Variants in GRM5 observed in about 807,000 individuals in gnomAD.
GRM5 encodes glutamate metabotropic receptor 5, also known as metabotropic glutamate receptor 5.
A neutral mutation model predicts 83.1 loss-of-function variants in GRM5; 19 were observed. That is an observed-to-expected ratio of 0.23 (90% CI 0.16 to 0.34). GRM5 has a LOEUF of 0.34. Among genes scored for constraint, GRM5 ranks in the 10% least tolerant of loss-of-function variants. GRM5 has a pLI of 1.00. For synonymous variants in GRM5, 675 were observed against 633.6 expected (o/e 1.07, Z -0.98); for missense variants, 1,160 against 1,588.3 (o/e 0.73, Z 4.58).
intron 8 of GRM5, among the ~76,000 whole-genome samples, chr11:88,555,390 C>A (rs193074829): frequency 6.6e-6 from 1 of 152,060 alleles, no homozygotes; most frequent in South Asian, 2.1e-4. Context: ...GAGTCTCACG[C>A]GACTGGACTG....
chr11:88,742,446 G>A (rs1384631615), intron 3 of GRM5, among the ~76,000 whole-genome samples: 1 of 151,974 alleles, frequency 6.6e-6, no homozygotes, highest in Non-Finnish European at 1.5e-5. Context: ...ATAACACTAG[G>A]GAGTGGAGTC....
At chr11:88,820,065 G>A (rs1484112611) in intron 3 of GRM5, among the ~76,000 whole-genome samples, 1 of 151,862 alleles carries the variant, frequency 6.6e-6, no homozygotes, top group Non-Finnish European at 1.5e-5. Context: ...ATGAACTTTG[G>A]GGGACATATT....
chr11:88,966,208 T>C (rs1440341352), intron 2 of GRM5, among the ~76,000 whole-genome samples: 1 of 151,966 alleles, frequency 6.6e-6, no homozygotes, highest in Non-Finnish European at 1.5e-5. Context: ...AAATAAGACA[T>C]CAAAATTTGT....
Position 88,570,569 on chromosome 11 carries a change from A to AT in GRM5, c.1691-2578dup, listed in dbSNP as rs1240457993. On this transcript the variant is annotated intron_variant, in intron 7 of 9. Coordinates refer to ENST00000305447, the MANE Select transcript of GRM5 (RefSeq NM_001143831.3). ...ATTAATAATATATATATATATATAT[A>AT]TATTTTTTTTTTTTTTTTTTTTTTT... Among the ~76,000 whole-genome samples the AT allele has an allele frequency of 2.0e-3, 148 of 73,828 alleles. 1 individual carries two copies. Among genetic ancestry groups the AT allele is most frequent in the South Asian group, 2.1e-3 (5 of 2,360 alleles). The allele number at this position is 73,828 out of a possible 152,430, so 48.4% of individuals were successfully genotyped here.
rs370181308 is a variant in GRM5 at position 88,947,389 on chromosome 11, G to A, written c.662-97234C>T. Reference sequence around the variant, plus strand: ...CTTGCCTGCCAATGCCTTCCACATAGGGATAAATGCAAAATCCTCACTAGG... The same window carrying A: ...CTTGCCTGCCAATGCCTTCCACATAAGGATAAATGCAAAATCCTCACTAGG... On this transcript the variant is annotated intron_variant, in intron 2 of 9. Transcript: ENST00000305447. Among the ~76,000 whole-genome samples, 9 of 152,176 alleles carry A rather than the reference G, an allele frequency of 5.9e-5. No homozygotes were observed. The East Asian group carries it at 1.5e-3, about 26-fold the overall frequency.
At chr11:88,546,801 G>A (rs188345751) in intron 8 of GRM5, among the ~76,000 whole-genome samples, 23 of 152,230 alleles carry the variant, frequency 1.5e-4, no homozygotes, top group Admixed American at 3.9e-4. Flanking sequence ...AGAACAATTT[G>A]AGTGGTGAGG....
Position 88,597,284 on chromosome 11 carries a change from T to C in GRM5, c.1463A>G (p.Asp488Gly). The C allele has an allele frequency of 6.3e-7, 1 of 1,589,492 alleles. No individual in the cohort carries two copies. The highest frequency in any genetic ancestry group is 1.1e-5 in the South Asian group (1 of 90,290). Residue 488 changes from aspartate to glycine, a missense_variant, in exon 6 of 10, where the codon GAC becomes GGC. Physicochemically the swap from Asp to Gly is moderately conservative, Grantham distance 94. Transcript: ENST00000305447. ...ATCATCCATTTTTAATTCTCCATTG[T>C]CCCAACTTCCAACGTTGATATAATC... Reference protein sequence around the residue: ...YFDYINVGSWDNGELKMDDDE... With the variant: ...YFDYINVGSWGNGELKMDDDE...
At chr11:88,711,615 C>T (rs1941281586) in intron 3 of GRM5, among the ~76,000 whole-genome samples, 1 of 152,010 alleles carries the variant, frequency 6.6e-6, no homozygotes, top group South Asian at 2.1e-4. Context: ...GTCATATCAT[C>T]TCTCAGTTTC....
intron 3 of GRM5, among the ~76,000 whole-genome samples, chr11:88,653,895 T>C (rs978265912): frequency 6.6e-6 from 1 of 152,042 alleles, no homozygotes; most frequent in African/African-American, 2.4e-5. Flanking sequence ...TGATCAAATT[T>C]TACAAATGAA....
At chr11:88,676,379 G>A (rs1940329328) in intron 3 of GRM5, among the ~76,000 whole-genome samples, 1 of 151,962 alleles carries the variant, frequency 6.6e-6, no homozygotes, top group Non-Finnish European at 1.5e-5. Flanking sequence ...GAGATACAAT[G>A]ACAAGCTGTT....
intron 3 of GRM5, among the ~76,000 whole-genome samples, chr11:88,737,847 A>G (rs1171531915): frequency 6.6e-6 from 1 of 152,112 alleles, no homozygotes; most frequent in Non-Finnish European, 1.5e-5. Context: ...GCTTTAAAAT[A>G]ACTTTTTAAA....
intron 2 of GRM5, among the ~76,000 whole-genome samples, chr11:89,009,919 A>AAAAAAC (rs1940647050): frequency 6.3e-5 from 8 of 126,438 alleles, no homozygotes; most frequent in African/African-American, 2.9e-4. Context: ...AAAAAAAAAA[A>AAAAAAC]AAAAAAAAAA....
chr11:88,516,808 G>A (rs1034826225), intron 9 of GRM5, among the ~76,000 whole-genome samples: 1 of 151,844 alleles, frequency 6.6e-6, no homozygotes, highest in South Asian at 2.1e-4. Context: ...TTGGGATGCT[G>A]AGCACTGTAT....
At chr11:88,701,730 C>A (rs762375023) in intron 3 of GRM5, among the ~76,000 whole-genome samples, 9 of 152,064 alleles carry the variant, frequency 5.9e-5, no homozygotes, top group Non-Finnish European at 1.3e-4. Context: ...CAGGGGCTTA[C>A]AGGTCATAAA....
chr11:88,649,034 A>G (rs889411177), intron 4 of GRM5, among the ~76,000 whole-genome samples: 1 of 146,812 alleles, frequency 6.8e-6, no homozygotes, highest in Non-Finnish European at 1.5e-5. Flanking sequence ...ATGGTCATTA[A>G]AACTTAATAT....
chr11:88,687,117 C>T (rs1339491013), intron 3 of GRM5, among the ~76,000 whole-genome samples: 1 of 152,046 alleles, frequency 6.6e-6, no homozygotes, highest in Non-Finnish European at 1.5e-5. Flanking sequence ...CTAAATTAGG[C>T]TCTGGTACAA....
chr11:88,529,849 G>T (rs1255663289), intron 8 of GRM5, among the ~76,000 whole-genome samples: 1 of 151,974 alleles, frequency 6.6e-6, no homozygotes, highest in Admixed American at 6.6e-5. Context: ...TGATACCCCA[G>T]TTACTGTGTT....
At position 89,047,399 on chromosome 11, in the gene GRM5, G is replaced by T. The variant is rs1228038268; in HGVS notation, c.474C>A (p.Val158=). 7.4e-6 allele frequency: 12 copies of T among 1,613,906 alleles called. No homozygotes were observed. The highest frequency in any genetic ancestry group is 8.5e-6 in the Non-Finnish European group (10 of 1,179,934). ...TGTTGAAAAGCTGGAGCAAATTCTG[G>T]ACCTGAATGGCTACAGAACTGGAGC... ...GPGSSSVAIQ[V]QNLLQLFNIP... The change falls in exon 2 of 10, where the codon GTC becomes GTA. Residue 158 remains valine (V), a synonymous_variant. Transcript: ENST00000305447. The surrounding 1 kb of genome is among the most constrained non-coding windows in gnomAD (Gnocchi z 5.1).
At chr11:88,787,968 A>T (rs1016274787) in intron 3 of GRM5, among the ~76,000 whole-genome samples, 1 of 152,158 alleles carries the variant, frequency 6.6e-6, no homozygotes, top group Non-Finnish European at 1.5e-5. Flanking sequence ...TCATCATTAT[A>T]CAATGAATTT....
Sources: gnomAD v4.1 joint callset for allele counts (sites outside exome capture counted in the v4.1 genomes callset) on GRCh38, gnomAD v4.1.1 for gene constraint, Gnocchi (gnomAD v3.1) non-coding constraint, MANE v1.5 for transcripts, NCBI Gene and HGNC (gene_info 2026-07-23, HGNC 2026-07-21) for gene names.